KDM7A: variants seen among roughly 807,000 people sequenced by gnomAD.
KDM7A encodes lysine demethylase 7A.
KDM7A carries 28 observed loss-of-function variants against 114.8 expected under a neutral mutation model. The observed-to-expected ratio is 0.24, with a 90% CI of 0.18 to 0.33. The LOEUF (loss-of-function observed/expected upper bound fraction) is 0.33. Ranked by LOEUF, KDM7A falls within the 10% of genes least tolerant of loss-of-function variation. The pLI, the probability that KDM7A is intolerant of heterozygous loss-of-function variation, is 1.00. For missense variants in KDM7A, 942 were observed against 1,142.5 expected (o/e 0.82, Z 2.53); for synonymous variants, 423 against 397.8 (o/e 1.06, Z -0.75).
At chr7:140,140,644 G>A (rs546544994) in intron 1 of KDM7A, among the ~76,000 whole-genome samples, 138 of 151,924 alleles carry the variant, frequency 9.1e-4, no homozygotes, top group Middle Eastern at 6.8e-3. Flanking sequence ...CACGATGGCC[G>A]GTGCCTGTAA....
chr7:140,134,408 C>T (rs1818836641), intron 2 of KDM7A, among the ~76,000 whole-genome samples: 1 of 152,126 alleles, frequency 6.6e-6, no homozygotes, highest in Non-Finnish European at 1.5e-5. Flanking sequence ...GATTAAACTG[C>T]TAATTTTCAA....
At chr7:140,100,689 CAT>C (rs1392915165) in intron 12 of KDM7A, among the ~76,000 whole-genome samples, 25 of 54,008 alleles carry the variant, frequency 4.6e-4, no homozygotes, top group Non-Finnish European at 8.3e-4. Context: ...TACATATATA[CAT>C]ATATATATAT....
intron 11 of KDM7A, among the ~76,000 whole-genome samples, chr7:140,108,936 G>A (rs907175522): frequency 1.2e-4 from 18 of 152,312 alleles, no homozygotes; most frequent in Admixed American, 1.2e-3. Context: ...GAGCTTCCTG[G>A]CTGCTTCATT....
intron 13 of KDM7A, 114 bp from the exon 14 acceptor site, chr7:140,099,147 T>A (rs1266424660): frequency 3.6e-6 from 3 of 839,072 alleles, no homozygotes; most frequent in Non-Finnish European, 5.5e-6. Context: ...ACTGTCCCCA[T>A]ATTTCATTCA....
intron 6 of KDM7A, 108 bp downstream of exon 6, chr7:140,126,529 A>C (rs1041593144): frequency 2.9e-5 from 18 of 612,760 alleles, no homozygotes; most frequent in Admixed American, 6.5e-5. Flanking sequence ...AAAAAAAAAA[A>C]AAAACTTCCC....
intron 1 of KDM7A, among the ~76,000 whole-genome samples, chr7:140,175,245 T>G (rs766602944): frequency 6.6e-6 from 1 of 152,212 alleles, no homozygotes; most frequent in African/African-American, 2.4e-5. Context: ...AAGTAAAACT[T>G]AACTACACCT....
intron 1 of KDM7A, among the ~76,000 whole-genome samples, chr7:140,172,848 GAA>G (rs1017368342): frequency 1.3e-5 from 2 of 151,984 alleles, no homozygotes; most frequent in African/African-American, 4.8e-5. Context: ...TTTTAAAAAA[GAA>G]TATACATATA....
intron 1 of KDM7A, among the ~76,000 whole-genome samples, chr7:140,141,630 A>G (rs2116823945): frequency 6.6e-6 from 1 of 152,226 alleles, no homozygotes; most frequent in Non-Finnish European, 1.5e-5. Context: ...GGGGTGGCTT[A>G]CATCTGTAAT....
intron 1 of KDM7A, among the ~76,000 whole-genome samples, chr7:140,174,467 T>C (rs1794679652): frequency 6.6e-6 from 1 of 152,252 alleles, no homozygotes; most frequent in East Asian, 1.9e-4. Context: ...TATACTTACA[T>C]GTATTACAAA....
intron 11 of KDM7A, among the ~76,000 whole-genome samples, chr7:140,105,686 T>C (rs891244449): frequency 6.6e-6 from 1 of 152,222 alleles, no homozygotes; most frequent in African/African-American, 2.4e-5. Flanking sequence ...TGGATTTGGT[T>C]TGCCAGTATT....
chr7:140,165,206 A>G (rs1794561014), intron 1 of KDM7A, among the ~76,000 whole-genome samples: 1 of 152,094 alleles, frequency 6.6e-6, no homozygotes. Context: ...TATTATATAC[A>G]TTTACCTGCT....
At chr7:140,123,859 C>T (rs1274411334) in intron 7 of KDM7A, among the ~76,000 whole-genome samples, 1 of 151,950 alleles carries the variant, frequency 6.6e-6, no homozygotes, top group Non-Finnish European at 1.5e-5. Flanking sequence ...ATCACGAGGT[C>T]AGGAGATTGA....
chr7:140,173,657 C>T (rs1794670737), intron 1 of KDM7A, among the ~76,000 whole-genome samples: 1 of 152,140 alleles, frequency 6.6e-6, no homozygotes, highest in African/African-American at 2.4e-5. Flanking sequence ...AGATGGACCA[C>T]CTCTGGTCCA....
intron 3 of KDM7A, among the ~76,000 whole-genome samples, chr7:140,130,798 C>A (rs905950729): frequency 1.7e-4 from 26 of 151,634 alleles, no homozygotes; most frequent in Non-Finnish European, 3.4e-4. Context: ...CCAAAATGCT[C>A]CCATTGACAA....
In KDM7A at chr7:140,176,752, G is replaced by A. The variant is rs924211873; in HGVS notation, c.186C>T (p.Phe62=). The change falls in exon 1 of 20, where the codon TTC becomes TTT. Residue 62 remains phenylalanine, a synonymous_variant. Transcript: ENST00000397560. This position sits in a 1 kb window ranked among gnomAD's most constrained non-coding sequence, Gnocchi z 4.4. ...GGAGGGGGTTTATTTACCTGCCGTG[G>A]AACCAGTCCTTGCAGATATCGCACT... ...MIECDICKDW[F]HGSCVGVEEH... 7.3e-7 allele frequency: 1 copy of A among 1,370,310 alleles called. No homozygotes were observed. The highest frequency in any genetic ancestry group is 1.5e-5 in the African/African-American group (1 of 65,694). 84.9% of individuals were successfully genotyped at this position (1,370,310 alleles called of 1,614,324 possible).
intron 8 of KDM7A, among the ~76,000 whole-genome samples, chr7:140,119,593 T>C (rs532119921): frequency 6.6e-6 from 1 of 152,336 alleles, no homozygotes; most frequent in East Asian, 1.9e-4. Flanking sequence ...AAAAGTTTTA[T>C]TTAGGCTCCA....
At chr7:140,104,350 C>T (rs984655597) in intron 11 of KDM7A, among the ~76,000 whole-genome samples, 5 of 152,072 alleles carry the variant, frequency 3.3e-5, no homozygotes, top group Non-Finnish European at 5.9e-5. Flanking sequence ...CTTACCATTG[C>T]TTTTGGTGTT....
At chr7:140,111,459 A>G (rs1486951667) in intron 10 of KDM7A, among the ~76,000 whole-genome samples, 1 of 152,220 alleles carries the variant, frequency 6.6e-6, no homozygotes, top group African/African-American at 2.4e-5. Context: ...TACTCCTCAA[A>G]GCCTACTGTA....
chr7:140,126,372 A>G (rs530975212), intron 6 of KDM7A, among the ~76,000 whole-genome samples: 2 of 152,176 alleles, frequency 1.3e-5, no homozygotes, highest in African/African-American at 2.4e-5. Context: ...AAGAAGAGAC[A>G]AAAGCCTAAA....
Sources: allele counts gnomAD v4.1 joint callset (sites outside exome capture counted in the v4.1 genomes callset), GRCh38; gene constraint gnomAD v4.1.1; non-coding constraint Gnocchi (gnomAD v3.1); transcripts MANE v1.5; gene names NCBI Gene and HGNC (gene_info 2026-07-23, HGNC 2026-07-21).